PRKCA: variants seen among roughly 807,000 people sequenced by gnomAD.
The protein encoded by PRKCA is protein kinase C alpha type.
PRKCA carries 27 observed loss-of-function variants against 87.0 expected under a neutral mutation model. The ratio of observed to expected loss-of-function variants is 0.31; its 90% CI spans 0.23 to 0.43. The LOEUF is 0.43. Ranked by LOEUF, PRKCA falls within the 20% of genes least tolerant of loss-of-function variation. The probability of loss-of-function intolerance (pLI) is 1.00; values close to 1 mark genes in which losing one functional copy is unlikely to be tolerated. For missense variants in PRKCA, 518 were observed against 852.3 expected, an observed-to-expected ratio of 0.61 and a Z score of 4.88; for synonymous variants, 329 against 311.1, an observed-to-expected ratio of 1.06 and a Z score of -0.61.
At position 66,799,659 on chromosome 17, in the gene PRKCA, CGGT is replaced by C. The variant is rs762210806; in HGVS notation, c.1855-4195_1855-4193del. Among the ~76,000 whole-genome samples the C allele has an allele frequency of 8.0e-4, 11 of 13,820 alleles. 1 individual carries two copies. The highest frequency in any genetic ancestry group is 2.5e-3 in the African/African-American group (8 of 3,166). The allele number at this position is 13,820 out of a possible 152,430, so 9.1% of individuals were successfully genotyped here. A position where few individuals can be genotyped will look rare whatever the true frequency, so the allele number is the denominator to read the frequency against. On this transcript the variant is annotated intron_variant, in intron 16 of 16. Coordinates refer to ENST00000413366, the MANE Select transcript of PRKCA (RefSeq NM_002737.3). Reference sequence around the variant, plus strand: ...GTGGTGGTGATGGTGGTGGTAGTGACGGTGGTGGTGGTGGTGGTGGTAATGGTG... The same window carrying C: ...GTGGTGGTGATGGTGGTGGTAGTGACGGTGGTGGTGGTGGTGGTAATGGTG...
At chr17:66,403,863 A>G (rs184829448) in intron 2 of PRKCA, 17 of 152,268 alleles carry the variant, frequency 1.1e-4, no homozygotes, top group Admixed American at 6.5e-4. Flanking sequence ...AAATTTGAAT[A>G]AGTAAGCATT....
At chr17:66,699,490 A>T (rs1973010860) in intron 8 of PRKCA, among the ~76,000 whole-genome samples, 1 of 152,244 alleles carries the variant, frequency 6.6e-6, no homozygotes, top group South Asian at 2.1e-4. Context: ...AGAAATAGAA[A>T]ATCTGAGTAG....
chr17:66,409,802 G>A (rs1172979367), intron 2 of PRKCA, among the ~76,000 whole-genome samples: 1 of 152,176 alleles, frequency 6.6e-6, no homozygotes, highest in African/African-American at 2.4e-5. Flanking sequence ...GTGGTGGCAG[G>A]CGCCTGTGTC....
chr17:66,480,453 C>A (rs1310215014), intron 2 of PRKCA, among the ~76,000 whole-genome samples: 1 of 152,138 alleles, frequency 6.6e-6, no homozygotes, highest in East Asian at 1.9e-4. Context: ...TAAAAATTTA[C>A]ATAATAATGT....
chr17:66,514,597 C>T (rs1361642490), intron 3 of PRKCA, among the ~76,000 whole-genome samples: 3 of 152,086 alleles, frequency 2.0e-5, no homozygotes, highest in East Asian at 1.9e-4. Context: ...GTGCGGGACC[C>T]GGCCTCCTCC....
intron 2 of PRKCA, among the ~76,000 whole-genome samples, chr17:66,377,721 A>ATATAT (rs1350881561): frequency 1.3e-3 from 89 of 69,146 alleles, no homozygotes; most frequent in East Asian, 7.3e-3. Context: ...ATATATATAT[A>ATATAT]TTTTTTTTTT....
chr17:66,764,367 A>C (rs1482979253), intron 13 of PRKCA, among the ~76,000 whole-genome samples: 2 of 152,186 alleles, frequency 1.3e-5, no homozygotes, highest in Non-Finnish European at 2.9e-5. Flanking sequence ...TTGAATGTGA[A>C]GCCCTGGTAG....
At chr17:66,683,354 TAGAG>T (rs908712571) in intron 5 of PRKCA, among the ~76,000 whole-genome samples, 2 of 152,176 alleles carry the variant, frequency 1.3e-5, no homozygotes, top group African/African-American at 4.8e-5. Context: ...GGAGCACACT[TAGAG>T]AGCAAATGCT....
In PRKCA at chr17:66,665,219, C is replaced by T. The variant is rs188338300; in HGVS notation, c.529+19708C>T. ...TGTATAATCTTTTTTAATACTTAAA[C>T]GGTTCCTATTGCATGAAACTCTTAC... On this transcript the variant is annotated intron_variant, in intron 5 of 16. Transcript: ENST00000413366. 9.2e-5 allele frequency among the ~76,000 whole-genome samples: 14 copies of T among 152,202 alleles called. No homozygotes were observed. The East Asian group carries it at 1.2e-3, about 13-fold the overall frequency.
chr17:66,742,118 G>T (rs1324078800), intron 12 of PRKCA, among the ~76,000 whole-genome samples: 1 of 152,174 alleles, frequency 6.6e-6, no homozygotes, highest in African/African-American at 2.4e-5. Context: ...CTGCCTGTTA[G>T]TAGCTGTGCT....
intron 3 of PRKCA, among the ~76,000 whole-genome samples, chr17:66,583,199 C>T (rs563725098): frequency 1.9e-4 from 29 of 152,170 alleles, no homozygotes; most frequent in Admixed American, 5.9e-4. Context: ...TTGAGGTTCC[C>T]GGGTATATGA....
intron 3 of PRKCA, among the ~76,000 whole-genome samples, chr17:66,564,578 A>G (rs935303222): frequency 6.6e-6 from 1 of 152,216 alleles, no homozygotes; most frequent in African/African-American, 2.4e-5. Context: ...CAGATAATTC[A>G]GTGATTGAAA....
intron 16 of PRKCA, among the ~76,000 whole-genome samples, chr17:66,802,220 A>T (rs1466123391): frequency 6.6e-6 from 1 of 152,148 alleles, no homozygotes; most frequent in East Asian, 1.9e-4. Context: ...ACCCTGTCTC[A>T]AAAAAGAAAA....
At chr17:66,521,016 G>C (rs1452390741) in intron 3 of PRKCA, among the ~76,000 whole-genome samples, 3 of 152,164 alleles carry the variant, frequency 2.0e-5, no homozygotes, top group Non-Finnish European at 4.4e-5. Context: ...CTTCATGTAG[G>C]AGATGCTTCG....
chr17:66,420,007 T>C (rs1001779364), intron 2 of PRKCA, among the ~76,000 whole-genome samples: 3 of 149,946 alleles, frequency 2.0e-5, no homozygotes, highest in Admixed American at 2.0e-4. Flanking sequence ...GTGTTCTTTT[T>C]TTTTTTTTTT....
intron 3 of PRKCA, among the ~76,000 whole-genome samples, chr17:66,634,688 G>T (rs1971108869): frequency 6.6e-6 from 1 of 152,188 alleles, no homozygotes; most frequent in African/African-American, 2.4e-5. Context: ...GATTTCAGAG[G>T]ATACAAAGAC....
chr17:66,383,048 A>G (rs6504416), intron 2 of PRKCA, among the ~76,000 whole-genome samples: 87,302 of 151,520 alleles, frequency 0.58, 25,693 homozygotes, highest in Non-Finnish European at 0.65. Flanking sequence ...TTCATTGAGC[A>G]TTATATCCTA....
At chr17:66,553,570 A>G (rs534997481) in intron 3 of PRKCA, among the ~76,000 whole-genome samples, 8 of 152,184 alleles carry the variant, frequency 5.3e-5, no homozygotes, top group Non-Finnish European at 1.2e-4. Flanking sequence ...ACAGTGTGTG[A>G]CTTCTGAGAA....
At chr17:66,765,440 A>ATATATATATATC (rs1974785914) in intron 13 of PRKCA, among the ~76,000 whole-genome samples, 2 of 136,162 alleles carry the variant, frequency 1.5e-5, no homozygotes, top group Non-Finnish European at 3.2e-5. Flanking sequence ...ATATATATAT[A>ATATATATATATC]TATATATATA....
Sources: gnomAD v4.1 joint callset for allele counts (sites outside exome capture counted in the v4.1 genomes callset) on GRCh38, gnomAD v4.1.1 for gene constraint, MANE v1.5 for transcripts, NCBI Gene and HGNC (gene_info 2026-07-23, HGNC 2026-07-21) for gene names.